S100G: variants seen among roughly 807,000 people sequenced by gnomAD.
S100G encodes S100 calcium binding protein G, also known as protein S100-G.
In S100G, 4 loss-of-function variants were observed where a neutral mutation model predicts 4.4. The observed-to-expected ratio is 0.91, with a 90% CI of 0.45 to 2.09. S100G has a LOEUF of 2.09. Among genes scored for constraint, S100G ranks in the 30% most tolerant of loss-of-function variants. S100G has a pLI of 0.03. For missense variants in S100G, 48 were observed against 49.8 expected, an observed-to-expected ratio of 0.96 and a Z score of 0.11; for synonymous variants, 24 against 20.1, an observed-to-expected ratio of 1.20 and a Z score of -0.53.
rs541214571 is a variant in S100G, at chrX:16,651,011, G to A, written c.5G>A (p.Ser2Asn). The A allele has an allele frequency of 1.2e-5, 15 of 1,203,304 alleles. 1 individual carries two copies. The highest frequency in any genetic ancestry group is 8.7e-5 in the African/African-American group (5 of 57,475). The change falls in exon 2 of 3, where the codon AGT becomes AAT. Residue 2 changes from serine to asparagine, a missense_variant. Transcript: ENST00000380200. M[S>N]TKKSPEELKR... ...CCCAATTTATAAGACACCAGAATGA[G>A]TACTAAAAAGTCTCCTGAGGAACTG...
At chrX:16,651,716 A>G (rs1440624962) in intron 2 of S100G, among the ~76,000 whole-genome samples, 1 of 112,488 alleles carries the variant, frequency 8.9e-6, no homozygotes, top group Admixed American at 9.4e-5. Context: ...AGAAAGGACT[A>G]AATTTCCTGG....
At position 16,651,146 on chromosome X, in the gene S100G, G is replaced by A. The variant is rs774633766; in HGVS notation, c.135+5G>A. 2 of 1,198,972 alleles carry A rather than the reference G, an allele frequency of 1.7e-6. No homozygotes were observed. The highest frequency in any genetic ancestry group is 2.3e-6 in the Non-Finnish European group (2 of 886,162). On this transcript the variant is annotated splice_donor_5th_base_variant and intron_variant, in intron 2 of 2. Coordinates refer to ENST00000380200, the MANE Select transcript of S100G (RefSeq NM_004057.3). The stretch of plus-strand genomic sequence containing the variant: ...GAATTCCCCAGTTTACTCAAAGTAA[G>A]TGGCCATCCGCAGAGCCCACTTAAT...
At chrX:16,654,342 T>C (rs1166353172) in intron 2 of S100G, 63 bp from the exon 3 acceptor site, 1 of 763,607 alleles carries the variant, frequency 1.3e-6, no homozygotes, top group African/African-American at 2.1e-5. Context: ...TCTGAGAATG[T>C]GTAGCAGTAA....
intron 2 of S100G, among the ~76,000 whole-genome samples, chrX:16,652,730 G>A (rs1270412823): frequency 1.8e-5 from 2 of 110,788 alleles, no homozygotes; most frequent in Non-Finnish European, 3.8e-5. Context: ...AACGAGGTAG[G>A]AAGACTAATG....
chrX:16,653,251 A>G (rs923482962), intron 2 of S100G, among the ~76,000 whole-genome samples: 9 of 111,114 alleles, frequency 8.1e-5, no homozygotes, highest in African/African-American at 2.6e-4. Flanking sequence ...GTTTTATGGT[A>G]GAGACAAAAA....
chrX:16,654,386 C>T lies in S100G; in HGVS notation c.136-19C>T. 1 of 1,073,305 alleles carries T rather than the reference C, an allele frequency of 9.3e-7. No homozygotes were observed. Among genetic ancestry groups the T allele is most frequent in the Non-Finnish European group, 1.3e-6 (1 of 791,277 alleles). The allele number at this position is 1,073,305 out of a possible 1,213,427, so 88.5% of individuals were successfully genotyped here. A position where few individuals can be genotyped will look rare whatever the true frequency, so the allele number is the denominator to read the frequency against. ...TTTTTTCTCCCCTCCCTTCTCCCAT[C>T]CTTTTTTATGTAAAACAGGGTCCAA... On this transcript the variant is annotated intron_variant, in intron 2 of 2. Coordinates refer to ENST00000380200, the MANE Select transcript of S100G (RefSeq NM_004057.3).
rs6629163 is a variant in S100G at position 16,651,948 on chromosome X, T to C, written c.135+807T>C. Among the ~76,000 whole-genome samples, 7 of 108,763 alleles carry C rather than the reference T, an allele frequency of 6.4e-5. No individual in the cohort carries two copies. In the East Asian group the frequency reaches 2.0e-3, roughly 32 times the overall value. The allele number at this position is 108,763 out of a possible 115,157, so 94.4% of individuals were successfully genotyped here. A position where few individuals can be genotyped will look rare whatever the true frequency, so the allele number is the denominator to read the frequency against. On this transcript the variant is annotated intron_variant, in intron 2 of 2. Coordinates refer to ENST00000380200, the MANE Select transcript of S100G (RefSeq NM_004057.3). ...ATACAGGGACCACTGAAACGTGTTC[T>C]TGCCATGGGGAGAGAGATTGGGCTC...
intron 2 of S100G, among the ~76,000 whole-genome samples, chrX:16,653,048 CT>C (rs2147267193): frequency 9.0e-6 from 1 of 110,994 alleles, no homozygotes; most frequent in East Asian, 2.8e-4. Flanking sequence ...GAACTGTATG[CT>C]TAAAAATGAT....
chrX:16,652,565 A>T (rs377371075), intron 2 of S100G, among the ~76,000 whole-genome samples: 1 of 112,527 alleles, frequency 8.9e-6, no homozygotes, highest in African/African-American at 3.2e-5. Flanking sequence ...TTAAAATTTT[A>T]AAAGACCCTT....
chrX:16,653,760 C>T (rs1462172720), intron 2 of S100G, among the ~76,000 whole-genome samples: 9 of 112,266 alleles, frequency 8.0e-5, no homozygotes, highest in Non-Finnish European at 1.7e-4. Flanking sequence ...TTTTGCATAG[C>T]TCAACGTTTG....
intron 2 of S100G, 101 bp from the exon 3 acceptor site, chrX:16,654,304 T>C: frequency 2.0e-6 from 1 of 507,901 alleles, no homozygotes; most frequent in East Asian, 3.6e-5. Flanking sequence ...GCTGCCTTCT[T>C]GGCACACAGA....
In S100G at chrX:16,652,019, G is replaced by T. The variant is rs186486096; in HGVS notation, c.135+878G>T. ...GGGGTTTATGACCATAGAGCAGGAT[G>T]GGGGGGGCCAGTGGATGGAAAATTA... is the stretch of plus-strand genomic sequence containing the variant. On this transcript the variant is annotated intron_variant, in intron 2 of 2. Coordinates refer to ENST00000380200, the MANE Select transcript of S100G (RefSeq NM_004057.3). 5.4e-3 allele frequency among the ~76,000 whole-genome samples: 576 copies of T among 106,963 alleles called. 9 individuals carry two copies. The East Asian group carries it at 0.057, about 11-fold the overall frequency. 92.9% of individuals were successfully genotyped at this position (106,963 alleles called of 115,157 possible).
Position 16,654,533 on chromosome X carries a change from G to A in S100G, c.*24G>A, listed in dbSNP as rs1932773420. 1 of 956,980 alleles carries A rather than the reference G, an allele frequency of 1.0e-6. No individual in the cohort carries two copies. The highest frequency in any genetic ancestry group is 1.5e-6 in the Non-Finnish European group (1 of 673,465). 78.9% of individuals were successfully genotyped at this position (956,980 alleles called of 1,213,427 possible). A position where few individuals can be genotyped will look rare whatever the true frequency, so the allele number is the denominator to read the frequency against. On this transcript the variant is annotated 3_prime_UTR_variant, in exon 3 of 3. Coordinates refer to ENST00000380200, the MANE Select transcript of S100G (RefSeq NM_004057.3). ...GAAGGAGAAAACAAAATAGAACCCT[G>A]AGCACTGGAGGAAGAGCGCCTGTGC...
intron 2 of S100G, among the ~76,000 whole-genome samples, chrX:16,652,972 T>C (rs1234403702): frequency 1.8e-5 from 2 of 111,606 alleles, no homozygotes; most frequent in Admixed American, 9.6e-5. Context: ...GTAGGAATCT[T>C]AGGGGTTAAA....
intron 1 of S100G, 109 bp from the exon 2 acceptor site, chrX:16,650,890 C>A: frequency 1.6e-6 from 1 of 608,973 alleles, no homozygotes. Flanking sequence ...TATTCTTCCC[C>A]ATTTATGCCA....
intron 1 of S100G, among the ~76,000 whole-genome samples, chrX:16,650,548 G>A (rs1932560356): frequency 2.3e-5 from 2 of 85,224 alleles, no homozygotes; most frequent in Admixed American, 3.2e-4. Flanking sequence ...GCGGAGGCTC[G>A]CTCTGTCACC....
Position 16,651,347 on chromosome X carries a change from C to G in S100G, c.135+206C>G, listed in dbSNP as rs144980512. ...CCAAGCCTTCTATCCCTCCTGCAGCCTCAGCACAGGACTCTGCAGGACTAG... is the reference window on the plus strand; with the variant it reads ...CCAAGCCTTCTATCCCTCCTGCAGCGTCAGCACAGGACTCTGCAGGACTAG... On this transcript the variant is annotated intron_variant, in intron 2 of 2. Coordinates refer to ENST00000380200, the MANE Select transcript of S100G (RefSeq NM_004057.3). Among the ~76,000 whole-genome samples, 70 of 111,714 alleles carry G rather than the reference C, an allele frequency of 6.3e-4. No individual in the cohort carries two copies. The East Asian group carries it at 0.016, about 25-fold the overall frequency.
Position 16,653,091 on chromosome X carries a change from TACC to T in S100G, c.136-1311_136-1309del, listed in dbSNP as rs950617398. On this transcript the variant is annotated intron_variant, in intron 2 of 2. Transcript: ENST00000380200. ...CGTAAATTCAATGTTATGTGTTTTT[TACC>T]ACAATTTATATATACATATATATAT... is the stretch of plus-strand genomic sequence containing the variant. Among the ~76,000 whole-genome samples, 27 of 111,036 alleles carry T rather than the reference TACC, an allele frequency of 2.4e-4. 1 individual carries two copies. The highest frequency in any genetic ancestry group is 6.8e-4 in the African/African-American group (21 of 30,696).
At chrX:16,650,670 G>A (rs1467635745) in intron 1 of S100G, among the ~76,000 whole-genome samples, 1 of 108,784 alleles carries the variant, frequency 9.2e-6, no homozygotes, top group Non-Finnish European at 1.9e-5. Context: ...GCACCACCAC[G>A]CCTGGCTAAT....
Sources: gnomAD v4.1 joint callset for allele counts (sites outside exome capture counted in the v4.1 genomes callset) on GRCh38, gnomAD v4.1.1 for gene constraint, MANE v1.5 for transcripts, NCBI Gene and HGNC (gene_info 2026-07-23, HGNC 2026-07-21) for gene names.